The following CLEC2D variants were observed in gnomAD, a reference collection of about 807,000 sequenced individuals.
CLEC2D encodes the protein C-type lectin related f.
CLEC2D carries 16 observed loss-of-function variants against 20.0 expected under a neutral mutation model. The observed-to-expected ratio is 0.80, with a 90% CI of 0.54 to 1.22. The LOEUF (loss-of-function observed/expected upper bound fraction) is 1.22. Among genes scored for constraint, CLEC2D ranks in the 50% most tolerant of loss-of-function variants. The pLI is 0.00. For synonymous variants in CLEC2D, 77 were observed against 71.1 expected (o/e 1.08, Z -0.42); for missense variants, 207 against 221.5 (o/e 0.93, Z 0.42).
At chr12:9,683,600 G>C (rs1482273553) in intron 2 of CLEC2D, among the ~76,000 whole-genome samples, 1 of 152,076 alleles carries the variant, frequency 6.6e-6, no homozygotes, top group Non-Finnish European at 1.5e-5. Context: ...TGGCTAGCCA[G>C]TTTTCTCAAC....
intron 1 of CLEC2D, among the ~76,000 whole-genome samples, chr12:9,675,704 C>A (rs1865508821): frequency 6.6e-6 from 1 of 152,150 alleles, no homozygotes; most frequent in African/African-American, 2.4e-5. Flanking sequence ...ATTATCATTG[C>A]ATTTAATCTG....
Position 9,669,757 on chromosome 12 carries a change from A to G in CLEC2D, c.23A>G (p.Glu8Gly), listed in dbSNP as rs1565461972. Residue 8 changes from glutamate to glycine, a missense_variant, in exon 1 of 5, where the codon GAG becomes GGG. Physicochemically the swap from Glu to Gly is moderately conservative, Grantham distance 98. Coordinates refer to ENST00000290855, the MANE Select transcript of CLEC2D (RefSeq NM_013269.6). ...AAAATGCATGACAGTAACAATGTGGAGAAAGACATTACACCATCTGAATTG... is the reference window on the plus strand; with the variant it reads ...AAAATGCATGACAGTAACAATGTGGGGAAAGACATTACACCATCTGAATTG... MHDSNNV[E>G]KDITPSELPA... The G allele has an allele frequency of 1.2e-6, 2 of 1,613,786 alleles. No individual in the cohort carries two copies. Among genetic ancestry groups the G allele is most frequent in the African/African-American group, 1.3e-5 (1 of 74,900 alleles).
intron 3 of CLEC2D, among the ~76,000 whole-genome samples, chr12:9,692,293 G>A (rs1044466254): frequency 2.6e-5 from 4 of 151,816 alleles, no homozygotes; most frequent in South Asian, 2.1e-4. Context: ...ATGCCATCAC[G>A]CCCAGCTAAT....
chr12:9,684,854 T>A (rs1344851032), intron 2 of CLEC2D, among the ~76,000 whole-genome samples: 1 of 152,160 alleles, frequency 6.6e-6, no homozygotes, highest in Non-Finnish European at 1.5e-5. Context: ...TTTTGTTGTA[T>A]CTCTGCTAGG....
chr12:9,670,805 A>G (rs755404061), intron 1 of CLEC2D, among the ~76,000 whole-genome samples: 1 of 152,230 alleles, frequency 6.6e-6, no homozygotes, highest in East Asian at 1.9e-4. Context: ...AAGCCTTTGT[A>G]GTGCTATTCA....
At chr12:9,683,553 G>A (rs1042526042) in intron 2 of CLEC2D, among the ~76,000 whole-genome samples, 2 of 152,032 alleles carry the variant, frequency 1.3e-5, no homozygotes, top group Non-Finnish European at 2.9e-5. Context: ...TTTTGTGTAA[G>A]GTGTAAGGAA....
chr12:9,686,763 G>A (rs1165968548), intron 2 of CLEC2D, among the ~76,000 whole-genome samples: 1 of 152,174 alleles, frequency 6.6e-6, no homozygotes, highest in Non-Finnish European at 1.5e-5. Context: ...CATGAAGAGA[G>A]CATTTCTCCT....
At chr12:9,689,405 C>T (rs1323887928) in intron 3 of CLEC2D, among the ~76,000 whole-genome samples, 1 of 152,088 alleles carries the variant, frequency 6.6e-6, no homozygotes, top group East Asian at 1.9e-4. Flanking sequence ...GTTACCACAA[C>T]ATAGTATTCA....
chr12:9,679,889 T>G (rs577627623), intron 1 of CLEC2D, among the ~76,000 whole-genome samples: 1 of 152,186 alleles, frequency 6.6e-6, no homozygotes, highest in Non-Finnish European at 1.5e-5. Flanking sequence ...CATAAGAGGT[T>G]TTAGATAACC....
intron 3 of CLEC2D, 36 bp downstream of exon 3, chr12:9,688,122 G>T (rs773956494): frequency 2.5e-5 from 37 of 1,501,780 alleles, no homozygotes; most frequent in Non-Finnish European, 3.2e-5. Context: ...CAAAGATTCA[G>T]CCCTACAAGG....
rs1442674734 is a variant in CLEC2D, at chr12:9,692,824, A to G, written c.358-4A>G. ...ATGAATATCATCTCTGTGTTTTCTG[A>G]AAGAATTTCCTGTTGAGATATAAAG... On this transcript the variant is annotated splice_polypyrimidine_tract_variant and splice_region_variant and intron_variant, in intron 3 of 4. Transcript: ENST00000290855. 4 of 1,599,164 alleles carry G rather than the reference A, an allele frequency of 2.5e-6. No individual in the cohort carries two copies. In the South Asian group the frequency reaches 3.4e-5, roughly 13 times the overall value.
At position 9,687,911 on chromosome 12, in the gene CLEC2D, C is replaced by T; in HGVS notation, c.182C>T (p.Ala61Val). ...TTTATTTTATTTTCAGCAATAAGAG[C>T]TAACTGCCATCAAGAGCCATCAGTA... The part of the protein sequence containing the change: ...GMVAALSAIR[A>V]NCHQEPSVCL... Residue 61 changes from alanine (A) to valine (V), a missense_variant, in exon 3 of 5, where the codon GCT becomes GTT. Ala to Val is a moderately conservative substitution (Grantham distance 64). Transcript: ENST00000290855. 6.4e-7 allele frequency: 1 copy of T among 1,573,544 alleles called. No individual in the cohort carries two copies.
chr12:9,685,553 TAG>T (rs886566218), intron 2 of CLEC2D, among the ~76,000 whole-genome samples: 2 of 152,208 alleles, frequency 1.3e-5, no homozygotes, highest in African/African-American at 2.4e-5. Context: ...AGGAGGAATC[TAG>T]AGAGGCAGTC....
rs779636529 is a variant in CLEC2D at position 9,692,854 on chromosome 12, A to G, written c.384A>G (p.Pro128=). The change falls in exon 4 of 5, where the codon CCA becomes CCG. Residue 128 remains proline, a synonymous_variant. Transcript: ENST00000290855. ...ATTTCCTGTTGAGATATAAAGGCCC[A>G]TCTGATCACTGGATTGGGCTGAGCA... is the stretch of plus-strand genomic sequence containing the variant. ...ELNFLLRYKG[P]SDHWIGLSRE... is the part of the protein sequence containing the mutation. 2.6e-5 allele frequency: 42 copies of G among 1,612,934 alleles called. No homozygotes were observed. The highest frequency in any genetic ancestry group is 3.2e-5 in the Non-Finnish European group (38 of 1,179,402).
intron 2 of CLEC2D, among the ~76,000 whole-genome samples, chr12:9,687,522 G>A (rs1249197781): frequency 6.6e-6 from 1 of 152,150 alleles, no homozygotes; most frequent in Non-Finnish European, 1.5e-5. Context: ...CTAGGGGTTG[G>A]GGACCCCTAA....
intron 2 of CLEC2D, among the ~76,000 whole-genome samples, chr12:9,684,419 T>G (rs1865710041): frequency 1.3e-5 from 2 of 152,220 alleles, no homozygotes; most frequent in Admixed American, 1.3e-4. Flanking sequence ...AATACTATAT[T>G]GAATAGGAGT....
At position 9,669,794 on chromosome 12, in the gene CLEC2D, AG is replaced by A; in HGVS notation, c.61+1del. ...CACCATCTGAATTGCCTGCAAACCC[AG>A]GTAAGAAGCTGGGCTCTACAGAGTA... ...ITPSELPANP[G>X]CLHSKEHSIK... On this transcript the variant is annotated frameshift_variant and splice_region_variant, in exon 1 of 5. Transcript: ENST00000290855. LOFTEE classifies it high-confidence loss of function. 6.2e-7 allele frequency: 1 copy of A among 1,611,578 alleles called. No individual in the cohort carries two copies. Among genetic ancestry groups the A allele is most frequent in the East Asian group, 2.2e-5 (1 of 44,876 alleles).
intron 1 of CLEC2D, among the ~76,000 whole-genome samples, chr12:9,679,789 A>G (rs1386866233): frequency 1.3e-5 from 2 of 152,214 alleles, no homozygotes; most frequent in Non-Finnish European, 2.9e-5. Context: ...AAATATGCCT[A>G]TTTAGCTAAG....
At chr12:9,690,574 T>C (rs11052455) in intron 3 of CLEC2D, among the ~76,000 whole-genome samples, 4,084 of 152,174 alleles carry the variant, frequency 0.027, 146 homozygotes, top group East Asian at 0.11. Context: ...ATAAATATGA[T>C]AGTGGTCATA....
Sources: allele counts gnomAD v4.1 joint callset (sites outside exome capture counted in the v4.1 genomes callset), GRCh38; gene constraint gnomAD v4.1.1; transcripts MANE v1.5; gene names NCBI Gene and HGNC (gene_info 2026-07-23, HGNC 2026-07-21).